Variants in STPG2 observed in about 807,000 individuals in gnomAD.
STPG2 encodes sperm tail PG-rich repeat containing 2, also known as sperm-tail PG-rich repeat-containing protein 2.
Under a neutral mutation model 54.2 loss-of-function variants are expected in STPG2, and 56 were observed. The observed-to-expected ratio is 1.03, with a 90% CI of 0.83 to 1.29. STPG2 has a LOEUF of 1.29. STPG2 is among the 50% of genes most tolerant of loss of function. STPG2 has a pLI of 0.00. For missense variants in STPG2, 596 were observed against 544.9 expected, an observed-to-expected ratio of 1.09 and a Z score of -0.93; for synonymous variants, 200 against 181.8, an observed-to-expected ratio of 1.10 and a Z score of -0.81.
In STPG2 at chr4:98,025,772, T is replaced by C. The variant is rs1440561171; in HGVS notation, c.613-44454A>G. 6 of 1,569,984 alleles carry C rather than the reference T, an allele frequency of 3.8e-6. No individual in the cohort carries two copies. In the South Asian group the frequency reaches 4.4e-5, roughly 12 times the overall value. ...CCAAGTGGAGGTGACTGGCGATGAA[T>C]ACAATGTGGAAAGCATTGATGGTCC... is the stretch of plus-strand genomic sequence containing the variant. On this transcript the variant is annotated intron_variant, in intron 5 of 10. Coordinates refer to ENST00000295268, the MANE Select transcript of STPG2 (RefSeq NM_174952.3).
At chr4:97,859,685 G>C (rs570939222) in intron 8 of STPG2, among the ~76,000 whole-genome samples, 1 of 152,094 alleles carries the variant, frequency 6.6e-6, no homozygotes, top group Non-Finnish European at 1.5e-5. Context: ...GGCTGGTCTT[G>C]AAATCCTGAC....
chr4:98,139,143 G>GA (rs1214857639), intron 1 of STPG2, among the ~76,000 whole-genome samples: 1 of 152,178 alleles, frequency 6.6e-6, no homozygotes, highest in Non-Finnish European at 1.5e-5. Flanking sequence ...AAAGCAGAAA[G>GA]AAAAGCAGCT....
intron 3 of STPG2, among the ~76,000 whole-genome samples, chr4:98,116,812 G>A (rs1287411070): frequency 1.3e-5 from 2 of 151,820 alleles, no homozygotes; most frequent in East Asian, 1.9e-4. Context: ...AAGGAAACAT[G>A]TAACTTATAT....
chr4:97,861,569 C>G (rs1729542876), intron 8 of STPG2, among the ~76,000 whole-genome samples: 1 of 152,096 alleles, frequency 6.6e-6, no homozygotes. Flanking sequence ...TATGGCAGCA[C>G]TAGTCACAAT....
intron 4 of STPG2, among the ~76,000 whole-genome samples, chr4:97,527,504 T>C (rs1731308793): frequency 6.6e-6 from 1 of 152,164 alleles, no homozygotes; most frequent in African/African-American, 2.4e-5. Flanking sequence ...ATCCTTTGAT[T>C]ATATACCCAG....
chr4:98,036,926 C>A, intron 5 of STPG2, among the ~76,000 whole-genome samples: 1 of 151,964 alleles, frequency 6.6e-6, no homozygotes, highest in East Asian at 1.9e-4. Context: ...CTTTAAGCCA[C>A]AAAATTTTTC....
chr4:97,538,095 A>G (rs1001481744), intron 4 of STPG2, among the ~76,000 whole-genome samples: 1 of 152,226 alleles, frequency 6.6e-6, no homozygotes, highest in Non-Finnish European at 1.5e-5. Flanking sequence ...AGATGGGGAA[A>G]AAACAAAATA....
At chr4:97,904,301 C>G (rs909390406) in intron 8 of STPG2, among the ~76,000 whole-genome samples, 3 of 152,164 alleles carry the variant, frequency 2.0e-5, no homozygotes. Context: ...CCCTGACCCC[C>G]GAGCAGCCTA....
chr4:98,108,166 G>A (rs1739240066), intron 4 of STPG2, among the ~76,000 whole-genome samples: 1 of 152,050 alleles, frequency 6.6e-6, no homozygotes, highest in African/African-American at 2.4e-5. Context: ...CTCAATGAAT[G>A]AACAGTAGCA....
intron 5 of STPG2, among the ~76,000 whole-genome samples, chr4:98,009,913 C>T (rs896861633): frequency 6.6e-6 from 1 of 151,908 alleles, no homozygotes; most frequent in Non-Finnish European, 1.5e-5. Flanking sequence ...TCATAATAAC[C>T]TCTAATGATT....
At chr4:97,561,820 A>G (rs965708012) in intron 10 of STPG2, among the ~76,000 whole-genome samples, 2 of 152,162 alleles carry the variant, frequency 1.3e-5, no homozygotes, top group African/African-American at 2.4e-5. Flanking sequence ...TGGTACCAGT[A>G]CCATGCTGTT....
intron 9 of STPG2, among the ~76,000 whole-genome samples, chr4:97,723,678 A>T (rs540304224): frequency 3.3e-5 from 5 of 152,272 alleles, no homozygotes; most frequent in African/African-American, 1.2e-4. Context: ...GTAATTTATA[A>T]GCAGAAAAGG....
chr4:98,071,659 T>C (rs1278556381), intron 5 of STPG2, among the ~76,000 whole-genome samples: 1 of 152,106 alleles, frequency 6.6e-6, no homozygotes, highest in Non-Finnish European at 1.5e-5. Flanking sequence ...TTTTGCAATA[T>C]ATCGATCTGA....
intron 8 of STPG2, among the ~76,000 whole-genome samples, chr4:97,888,973 G>A (rs1730674692): frequency 6.6e-6 from 1 of 152,142 alleles, no homozygotes; most frequent in Non-Finnish European, 1.5e-5. Flanking sequence ...CATGTAAGAT[G>A]AGCCTGCTTC....
intron 10 of STPG2, 59 bp from the exon 11 acceptor site, chr4:97,559,176 A>T: frequency 9.1e-7 from 1 of 1,104,164 alleles, no homozygotes; most frequent in South Asian, 1.4e-5. Context: ...AAGAAAAATA[A>T]TATTCATTAT....
intron 5 of STPG2, among the ~76,000 whole-genome samples, chr4:98,018,862 G>T (rs28810783): frequency 6.6e-6 from 1 of 150,912 alleles, no homozygotes; most frequent in South Asian, 2.1e-4. Context: ...TTTTGATGGG[G>T]TTGTTTGTTT....
intron 9 of STPG2, among the ~76,000 whole-genome samples, chr4:97,786,807 G>A (rs1283124992): frequency 1.3e-5 from 2 of 152,006 alleles, no homozygotes; most frequent in African/African-American, 4.8e-5. Context: ...TCACCTGTTG[G>A]TCACTTAGTA....
At chr4:97,675,324 T>G (rs762346578) in intron 10 of STPG2, among the ~76,000 whole-genome samples, 18 of 152,138 alleles carry the variant, frequency 1.2e-4, no homozygotes, top group Non-Finnish European at 2.6e-4. Context: ...TTCTCCAAGA[T>G]TTCTATGAAG....
At chr4:97,941,714 A>G (rs1304365261) in intron 8 of STPG2, among the ~76,000 whole-genome samples, 1 of 152,104 alleles carries the variant, frequency 6.6e-6, no homozygotes, top group African/African-American at 2.4e-5. Context: ...ATTTTTATTT[A>G]AAGTAAATAA....
Sources: allele counts gnomAD v4.1 joint callset (sites outside exome capture counted in the v4.1 genomes callset), GRCh38; gene constraint gnomAD v4.1.1; transcripts MANE v1.5; gene names NCBI Gene and HGNC (gene_info 2026-07-23, HGNC 2026-07-21).